EPHA6: variants seen among roughly 807,000 people sequenced by gnomAD.
EPHA6 encodes ephrin type-A receptor 6.
Under a neutral mutation model 112.0 loss-of-function variants are expected in EPHA6, and 50 were observed. The ratio of observed to expected loss-of-function variants is 0.45; its 90% CI spans 0.36 to 0.56. The LOEUF (loss-of-function observed/expected upper bound fraction) is 0.56. EPHA6 is among the 20% of genes least tolerant of loss of function. The probability of loss-of-function intolerance (pLI) is 0.00; values close to 1 mark genes in which losing one functional copy is unlikely to be tolerated. For synonymous variants in EPHA6, 529 were observed against 490.7 expected, an observed-to-expected ratio of 1.08 and a Z score of -1.03; for missense variants, 1,280 against 1,417.4, an observed-to-expected ratio of 0.90 and a Z score of 1.56.
At chr3:97,660,375 T>A (rs1338236481) in intron 14 of EPHA6, among the ~76,000 whole-genome samples, 1 of 152,180 alleles carries the variant, frequency 6.6e-6, no homozygotes, top group East Asian at 1.9e-4. Flanking sequence ...GCCATTCACA[T>A]TGGAAAGAAA....
At chr3:97,233,406 CAAGTT>C (rs1289318157) in intron 4 of EPHA6, among the ~76,000 whole-genome samples, 3 of 150,978 alleles carry the variant, frequency 2.0e-5, no homozygotes, top group South Asian at 2.1e-4. Context: ...AGAAAAATGA[CAAGTT>C]AAGAGGTTGT....
chr3:97,169,232 T>A (rs954068034), intron 3 of EPHA6, among the ~76,000 whole-genome samples: 1 of 152,186 alleles, frequency 6.6e-6, no homozygotes, highest in Non-Finnish European at 1.5e-5. Flanking sequence ...TTGGATTAAA[T>A]GCACACATTT....
At chr3:97,229,065 A>AT (rs2078445753) in intron 4 of EPHA6, among the ~76,000 whole-genome samples, 1 of 151,340 alleles carries the variant, frequency 6.6e-6, no homozygotes, top group Non-Finnish European at 1.5e-5. Flanking sequence ...TTTTGATGGG[A>AT]TTATTTGGTT....
At chr3:96,870,338 C>G (rs2036564197) in intron 2 of EPHA6, among the ~76,000 whole-genome samples, 1 of 151,970 alleles carries the variant, frequency 6.6e-6, no homozygotes, top group African/African-American at 2.4e-5. Context: ...ACGAGGAGCT[C>G]TGATTTCTAA....
intron 10 of EPHA6, among the ~76,000 whole-genome samples, chr3:97,512,401 T>A (rs932971314): frequency 3.3e-5 from 5 of 152,214 alleles, no homozygotes; most frequent in African/African-American, 1.2e-4. Flanking sequence ...TTATAATAAA[T>A]AGTAATTCAG....
chr3:97,296,947 G>T (rs181477558), intron 5 of EPHA6, among the ~76,000 whole-genome samples: 1 of 152,174 alleles, frequency 6.6e-6, no homozygotes, highest in Non-Finnish European at 1.5e-5. Context: ...GAAAAGCAGG[G>T]TCTATTGGGC....
At chr3:97,673,389 A>C (rs1295557030) in intron 14 of EPHA6, among the ~76,000 whole-genome samples, 8 of 152,332 alleles carry the variant, frequency 5.3e-5, no homozygotes, top group African/African-American at 1.9e-4. Flanking sequence ...GAGAAGAGGA[A>C]ATAAAATAAT....
At chr3:96,975,285 C>T (rs2042477232) in intron 2 of EPHA6, among the ~76,000 whole-genome samples, 1 of 152,012 alleles carries the variant, frequency 6.6e-6, no homozygotes, top group African/African-American at 2.4e-5. Context: ...AAGCTCCAGG[C>T]CCAGCCCTTT....
chr3:97,683,051 T>C (rs1270328312), intron 14 of EPHA6, among the ~76,000 whole-genome samples: 6 of 152,198 alleles, frequency 3.9e-5, no homozygotes, highest in Admixed American at 2.0e-4. Context: ...CTTTATTAGA[T>C]ATCATTTTTA....
intron 12 of EPHA6, among the ~76,000 whole-genome samples, chr3:97,609,465 G>T (rs868841731): frequency 6.6e-6 from 1 of 151,322 alleles, no homozygotes; most frequent in Non-Finnish European, 1.5e-5. Context: ...TGACGATAAA[G>T]TTCTTTATTC....
chr3:97,646,178 C>T (rs2094060356), intron 14 of EPHA6: 2 of 1,535,386 alleles, frequency 1.3e-6, no homozygotes. Flanking sequence ...GTCTGGAAAG[C>T]TTGTGTGAGC....
At chr3:97,576,760 T>C (rs1046198841) in intron 11 of EPHA6, among the ~76,000 whole-genome samples, 20 of 152,176 alleles carry the variant, frequency 1.3e-4, no homozygotes. Flanking sequence ...TTAATCACAA[T>C]TCAACCTTGA....
chr3:97,619,433 AG>A (rs34766006), intron 13 of EPHA6, among the ~76,000 whole-genome samples: 27,268 of 113,192 alleles, frequency 0.24, 3,538 homozygotes, highest in Admixed American at 0.34. Flanking sequence ...CAATAGAAAA[AG>A]GGGGGGGGGG....
At chr3:97,466,627 T>C in intron 7 of EPHA6, 3 of 613,804 alleles carry the variant, frequency 4.9e-6, no homozygotes, top group Non-Finnish European at 8.9e-6. Context: ...CAAGAGTTTA[T>C]GTCTCTGGTA....
At chr3:96,899,586 C>T (rs113183715) in intron 2 of EPHA6, among the ~76,000 whole-genome samples, 3 of 152,106 alleles carry the variant, frequency 2.0e-5, no homozygotes, top group Non-Finnish European at 2.9e-5. Flanking sequence ...AAGGTTAACA[C>T]CTGACATCTG....
At chr3:96,855,907 T>G (rs1289910466) in intron 1 of EPHA6, among the ~76,000 whole-genome samples, 2 of 152,150 alleles carry the variant, frequency 1.3e-5, no homozygotes, top group Non-Finnish European at 2.9e-5. Flanking sequence ...CTGCAGTATA[T>G]TTACCTCTGT....
intron 2 of EPHA6, among the ~76,000 whole-genome samples, chr3:96,897,185 T>G (rs929410062): frequency 6.7e-6 from 1 of 148,780 alleles, no homozygotes; most frequent in African/African-American, 2.6e-5. Context: ...TATGCACATA[T>G]ATATCTATAT....
At chr3:97,379,594 C>T (rs1418684576) in intron 5 of EPHA6, among the ~76,000 whole-genome samples, 1 of 150,690 alleles carries the variant, frequency 6.6e-6, no homozygotes, top group Non-Finnish European at 1.5e-5. Context: ...ATTAAAAATA[C>T]AAAAATTAGC....
At chr3:97,670,267 T>TA (rs2030670303) in intron 14 of EPHA6, among the ~76,000 whole-genome samples, 3 of 152,112 alleles carry the variant, frequency 2.0e-5, no homozygotes, top group Admixed American at 2.0e-4. Context: ...AAATACAGGA[T>TA]AAAAAATGGC....
Sources: gnomAD v4.1 joint callset for allele counts (sites outside exome capture counted in the v4.1 genomes callset) on GRCh38, gnomAD v4.1.1 for gene constraint, MANE v1.5 for transcripts, NCBI Gene and HGNC (gene_info 2026-07-23, HGNC 2026-07-21) for gene names.